ADAM22: variants seen among roughly 807,000 people sequenced by gnomAD.
The protein encoded by ADAM22 is ADAM metallopeptidase domain 22, also known as disintegrin and metalloproteinase domain-containing protein 22.
A neutral mutation model predicts 144.6 loss-of-function variants in ADAM22; 65 were observed. That is an observed-to-expected ratio of 0.45 (90% CI 0.37 to 0.55). The LOEUF is 0.55. Among genes scored for constraint, ADAM22 ranks in the 20% least tolerant of loss-of-function variants. The pLI is 0.00. For synonymous variants in ADAM22, 391 were observed against 412.6 expected (o/e 0.95, Z 0.63); for missense variants, 974 against 1,184.9 (o/e 0.82, Z 2.61).
rs1789782075 is a variant in ADAM22 at position 87,991,342 on chromosome 7, C to A, written c.323+12930C>A. ...AAAAATGCCAAAGACTGACAGCTAT[C>A]ACTAGCCTTATTTTTTTTTTTTTTT... On this transcript the variant is annotated intron_variant, in intron 3 of 31. Coordinates refer to ENST00000413139, the MANE Select transcript of ADAM22 (RefSeq NM_001324418.2). Among the ~76,000 whole-genome samples, 3 of 145,984 alleles carry A rather than the reference C, an allele frequency of 2.1e-5. No homozygotes were observed. The South Asian group carries it at 6.4e-4, about 31-fold the overall frequency.
intron 3 of ADAM22, among the ~76,000 whole-genome samples, chr7:88,038,901 C>T (rs1258462205): frequency 6.6e-6 from 1 of 151,952 alleles, no homozygotes; most frequent in Non-Finnish European, 1.5e-5. Flanking sequence ...CCACCTCAGC[C>T]TCTCGAGTAG....
At chr7:88,037,757 G>A (rs1801868054) in intron 3 of ADAM22, among the ~76,000 whole-genome samples, 2 of 151,804 alleles carry the variant, frequency 1.3e-5, no homozygotes, top group African/African-American at 4.8e-5. Context: ...CAATTATACC[G>A]GCTTTCTATA....
At chr7:88,125,561 A>C in intron 7 of ADAM22, 28 bp from the exon 8 acceptor site, 1 of 1,537,500 alleles carries the variant, frequency 6.5e-7, no homozygotes, top group Non-Finnish European at 8.9e-7. Flanking sequence ...AAATGCACTA[A>C]GTTAAATTAA....
chr7:88,165,684 A>T (rs1008840602), intron 23 of ADAM22, 148 bp from the exon 24 acceptor site: 43 of 435,066 alleles, frequency 9.9e-5, no homozygotes, highest in Non-Finnish European at 1.6e-4. Flanking sequence ...TGGAGGGAGA[A>T]ATAATGTAAT....
intron 22 of ADAM22, among the ~76,000 whole-genome samples, chr7:88,161,935 C>T (rs1459572343): frequency 6.6e-6 from 1 of 151,978 alleles, no homozygotes; most frequent in African/African-American, 2.4e-5. Flanking sequence ...TACTATTCGA[C>T]CCAGCAATCC....
intron 22 of ADAM22, among the ~76,000 whole-genome samples, chr7:88,158,724 C>T (rs1840708907): frequency 6.6e-6 from 1 of 151,898 alleles, no homozygotes; most frequent in African/African-American, 2.4e-5. Context: ...AAAAAAGATA[C>T]AAAATACAAG....
intron 3 of ADAM22, among the ~76,000 whole-genome samples, chr7:87,994,326 A>C (rs1790595757): frequency 6.6e-6 from 1 of 151,734 alleles, no homozygotes; most frequent in South Asian, 2.1e-4. Context: ...ACGCCCGGCT[A>C]ATTTTTTATA....
intron 20 of ADAM22, 147 bp downstream of exon 20, chr7:88,151,467 G>A: frequency 1.1e-6 from 1 of 884,776 alleles, no homozygotes; most frequent in South Asian, 1.6e-5. Context: ...GCATGTTTCT[G>A]GAAATTAGAG....
chr7:88,022,992 G>A (rs1019347875), intron 3 of ADAM22, among the ~76,000 whole-genome samples: 4 of 152,094 alleles, frequency 2.6e-5, no homozygotes, highest in Admixed American at 6.5e-5. Flanking sequence ...TAGATACATC[G>A]ATTCATTACT....
intron 3 of ADAM22, among the ~76,000 whole-genome samples, chr7:88,034,393 G>A (rs1395101022): frequency 1.3e-5 from 2 of 152,110 alleles, no homozygotes; most frequent in Non-Finnish European, 2.9e-5. Flanking sequence ...ATTCTGCTGT[G>A]GCTGAGCTGG....
rs988396163 is a variant in ADAM22, at chr7:88,149,575, A to G, written c.1566+518A>G. ...CTTTGGTGGGAGTTCACAGATTTCA[A>G]AATGGTCACTGTACATACAGACGGT... On this transcript the variant is annotated intron_variant, in intron 18 of 31. Transcript: ENST00000413139. 3.3e-5 allele frequency among the ~76,000 whole-genome samples: 5 copies of G among 152,316 alleles called. No homozygotes were observed. The East Asian group carries it at 7.7e-4, about 23-fold the overall frequency.
intron 29 of ADAM22, among the ~76,000 whole-genome samples, chr7:88,184,735 T>C (rs531546530): frequency 1.7e-4 from 26 of 152,268 alleles, no homozygotes; most frequent in Middle Eastern, 3.4e-3. Flanking sequence ...GAAGACATTT[T>C]CATGGGCAGA....
chr7:88,161,797 C>T (rs1037111607), intron 22 of ADAM22, among the ~76,000 whole-genome samples: 1 of 151,844 alleles, frequency 6.6e-6, no homozygotes, highest in African/African-American at 2.4e-5. Context: ...ATTATTAAAA[C>T]GTCAAAAAAT....
chr7:88,122,258 T>C (rs961525145), intron 7 of ADAM22, among the ~76,000 whole-genome samples: 1 of 152,218 alleles, frequency 6.6e-6, no homozygotes, highest in Non-Finnish European at 1.5e-5. Context: ...CTAGTGCTCA[T>C]GTAATGAAAG....
chr7:87,975,386 A>G (rs968354360), intron 2 of ADAM22, among the ~76,000 whole-genome samples: 4 of 152,206 alleles, frequency 2.6e-5, no homozygotes, highest in Non-Finnish European at 4.4e-5. Context: ...CCAAATCTAA[A>G]TAGCTCCCAG....
At chr7:87,950,920 G>T (rs966718576) in intron 2 of ADAM22, among the ~76,000 whole-genome samples, 1 of 151,460 alleles carries the variant, frequency 6.6e-6, no homozygotes, top group African/African-American at 2.4e-5. Context: ...TGTGTTTTTT[G>T]GCTGCATAAA....
chr7:88,071,643 T>A (rs1489507777), intron 3 of ADAM22, among the ~76,000 whole-genome samples: 1 of 152,178 alleles, frequency 6.6e-6, no homozygotes, highest in East Asian at 1.9e-4. Flanking sequence ...ACATTATATT[T>A]GTTTTGCTTT....
intron 5 of ADAM22, among the ~76,000 whole-genome samples, chr7:88,111,857 T>C (rs1826139463): frequency 6.6e-6 from 1 of 152,216 alleles, no homozygotes; most frequent in African/African-American, 2.4e-5. Context: ...TAGAGTCTTC[T>C]GAGATACAGA....
intron 22 of ADAM22, among the ~76,000 whole-genome samples, chr7:88,160,850 C>T (rs1169786090): frequency 6.6e-6 from 1 of 152,032 alleles, no homozygotes; most frequent in Non-Finnish European, 1.5e-5. Context: ...TCATTCTCAG[C>T]AAACTACCAC....
Sources: gnomAD v4.1 joint callset for allele counts (sites outside exome capture counted in the v4.1 genomes callset) on GRCh38, gnomAD v4.1.1 for gene constraint, MANE v1.5 for transcripts, NCBI Gene and HGNC (gene_info 2026-07-23, HGNC 2026-07-21) for gene names.